The following IL1RAPL2 variants were observed in gnomAD, a reference collection of about 807,000 sequenced individuals.
IL1RAPL2 encodes interleukin 1 receptor accessory protein like 2.
IL1RAPL2 carries 3 observed loss-of-function variants against 44.1 expected under a neutral mutation model. The observed-to-expected ratio is 0.07, with a 90% CI of 0.03 to 0.18. IL1RAPL2 has a LOEUF of 0.18. IL1RAPL2 is among the 10% of genes least tolerant of loss of function. IL1RAPL2 has a pLI of 1.00. For missense variants in IL1RAPL2, 391 were observed against 496.4 expected (o/e 0.79, Z 2.02); for synonymous variants, 181 against 178.8 (o/e 1.01, Z -0.10).
chrX:104,820,573 T>C (rs967273383), intron 2 of IL1RAPL2, among the ~76,000 whole-genome samples: 3 of 111,927 alleles, frequency 2.7e-5, no homozygotes, highest in African/African-American at 6.5e-5. Flanking sequence ...AGCACCAGCA[T>C]TGAGAGCTGG....
At chrX:105,737,403 G>C (rs749758759) in intron 7 of IL1RAPL2, among the ~76,000 whole-genome samples, 1 of 111,266 alleles carries the variant, frequency 9.0e-6, no homozygotes, top group Non-Finnish European at 1.9e-5. Flanking sequence ...CTGCTCTGTT[G>C]AGTGATTTGT....
At chrX:105,077,309 G>A (rs1482288240) in intron 2 of IL1RAPL2, among the ~76,000 whole-genome samples, 2 of 111,417 alleles carry the variant, frequency 1.8e-5, no homozygotes, top group African/African-American at 6.5e-5. Flanking sequence ...ATGAAGCTTA[G>A]TTTGGCTGGA....
chrX:104,683,087 CT>C (rs1472274908), intron 2 of IL1RAPL2, among the ~76,000 whole-genome samples: 1 of 111,299 alleles, frequency 9.0e-6, no homozygotes, highest in African/African-American at 3.3e-5. Flanking sequence ...TGCTGTATAC[CT>C]AGCTTTCACC....
chrX:104,752,779 T>C (rs908910403), intron 2 of IL1RAPL2, among the ~76,000 whole-genome samples: 15 of 110,878 alleles, frequency 1.4e-4, no homozygotes, highest in African/African-American at 4.6e-4. Context: ...TGCTACCAAA[T>C]ACTTCTCTTT....
At chrX:104,860,031 T>A (rs1340982697) in intron 2 of IL1RAPL2, among the ~76,000 whole-genome samples, 2 of 112,339 alleles carry the variant, frequency 1.8e-5, no homozygotes, top group Non-Finnish European at 3.8e-5. Context: ...AAAAGGCATT[T>A]AGCTCTGTAA....
chrX:105,665,431 T>C (rs1271373144), intron 6 of IL1RAPL2, among the ~76,000 whole-genome samples: 1 of 110,230 alleles, frequency 9.1e-6, no homozygotes, highest in Non-Finnish European at 1.9e-5. Flanking sequence ...CCTCCTATCA[T>C]TTGGGAGGAC....
chrX:105,062,269 A>G (rs2032083993), intron 2 of IL1RAPL2, among the ~76,000 whole-genome samples: 5 of 111,417 alleles, frequency 4.5e-5, no homozygotes, highest in Admixed American at 1.9e-4. Flanking sequence ...AAGCTGATAA[A>G]AACTTAATGC....
At chrX:104,608,194 A>G (rs1929059954) in intron 1 of IL1RAPL2, among the ~76,000 whole-genome samples, 1 of 109,836 alleles carries the variant, frequency 9.1e-6, no homozygotes, top group African/African-American at 3.3e-5. Flanking sequence ...ACACATGGAC[A>G]CGTGGAGGGG....
chrX:105,551,308 C>CA (rs2036853210), intron 6 of IL1RAPL2, among the ~76,000 whole-genome samples: 1 of 104,866 alleles, frequency 9.5e-6, no homozygotes, highest in Admixed American at 1.0e-4. Context: ...AAAACAACAA[C>CA]AACAAAAAAA....
At chrX:104,798,078 A>C (rs1197670862) in intron 2 of IL1RAPL2, among the ~76,000 whole-genome samples, 1 of 111,892 alleles carries the variant, frequency 8.9e-6, no homozygotes, top group Non-Finnish European at 1.9e-5. Context: ...TGGGATATGA[A>C]TTTCGGTCTG....
At chrX:105,028,744 A>G (rs2031421667) in intron 2 of IL1RAPL2, among the ~76,000 whole-genome samples, 1 of 110,827 alleles carries the variant, frequency 9.0e-6, no homozygotes, top group African/African-American at 3.3e-5. Context: ...AAAATGACCA[A>G]GAAATATAAG....
intron 2 of IL1RAPL2, among the ~76,000 whole-genome samples, chrX:104,730,156 C>T (rs1020979235): frequency 2.7e-5 from 3 of 110,903 alleles, no homozygotes; most frequent in Non-Finnish European, 5.7e-5. Flanking sequence ...GAAAGAAATA[C>T]TAGGAAACGT....
chrX:105,564,004 T>A (rs1183064946), intron 6 of IL1RAPL2, among the ~76,000 whole-genome samples: 1 of 111,500 alleles, frequency 9.0e-6, no homozygotes, highest in Non-Finnish European at 1.9e-5. Flanking sequence ...TTTCTTATAG[T>A]TCTAGAGGCT....
At chrX:104,855,853 A>C (rs1412365838) in intron 2 of IL1RAPL2, among the ~76,000 whole-genome samples, 1 of 107,981 alleles carries the variant, frequency 9.3e-6, no homozygotes, top group Non-Finnish European at 1.9e-5. Context: ...TATTTTTAGC[A>C]CAGAGGACGT....
intron 5 of IL1RAPL2, among the ~76,000 whole-genome samples, chrX:105,419,605 G>A (rs935233561): frequency 8.9e-6 from 1 of 112,024 alleles, no homozygotes; most frequent in Non-Finnish European, 1.9e-5. Flanking sequence ...GAAGGCAACA[G>A]ATGTAAAGAA....
chrX:105,720,612 G>A (rs756250090), intron 7 of IL1RAPL2, among the ~76,000 whole-genome samples: 20 of 111,296 alleles, frequency 1.8e-4, no homozygotes, highest in African/African-American at 6.5e-4. Flanking sequence ...GTTGATGGAC[G>A]ACATTTGGGT....
chrX:104,911,205 T>G (rs1020425865), intron 2 of IL1RAPL2, among the ~76,000 whole-genome samples: 3 of 111,999 alleles, frequency 2.7e-5, no homozygotes, highest in Non-Finnish European at 5.6e-5. Context: ...GATGATTTTA[T>G]TGGAAAATTT....
rs781532440 is a variant in IL1RAPL2 at position 104,727,365 on chromosome X, CA to C, written c.82+68372del. On this transcript the variant is annotated intron_variant, in intron 2 of 10. Transcript: ENST00000372582. ...ATCATCACTAATAATCAGAAAATGCCAATTAAAACTACAATGAGATACCATT... is the reference window on the plus strand; with the variant it reads ...ATCATCACTAATAATCAGAAAATGCCATTAAAACTACAATGAGATACCATT... Among the ~76,000 whole-genome samples, 6 of 110,405 alleles carry C rather than the reference CA, an allele frequency of 5.4e-5. No individual in the cohort carries two copies. The East Asian group carries it at 1.4e-3, about 26-fold the overall frequency.
intron 6 of IL1RAPL2, among the ~76,000 whole-genome samples, chrX:105,687,494 C>T (rs1390145889): frequency 9.0e-6 from 1 of 111,316 alleles, no homozygotes; most frequent in Non-Finnish European, 1.9e-5. Flanking sequence ...TGGATAAATT[C>T]CTTGACACAT....
Sources: gnomAD v4.1 joint callset for allele counts (sites outside exome capture counted in the v4.1 genomes callset) on GRCh38, gnomAD v4.1.1 for gene constraint, MANE v1.5 for transcripts, NCBI Gene and HGNC (gene_info 2026-07-23, HGNC 2026-07-21) for gene names.